PKDCC: variants seen among roughly 807,000 people sequenced by gnomAD.
PKDCC encodes the protein protein kinase domain containing, cytoplasmic, also known as extracellular tyrosine-protein kinase PKDCC.
In PKDCC, 35 loss-of-function variants were observed where a neutral mutation model predicts 44.7. The observed-to-expected ratio is 0.78, with a 90% CI of 0.60 to 1.04. The LOEUF (loss-of-function observed/expected upper bound fraction) is 1.04. PKDCC is among the 50% of genes least tolerant of loss of function. The probability of loss-of-function intolerance (pLI) is 0.00; values close to 1 mark genes in which losing one functional copy is unlikely to be tolerated. For missense variants in PKDCC, 738 were observed against 672.7 expected (o/e 1.10, Z -1.07); for synonymous variants, 353 against 303.3 (o/e 1.16, Z -1.70).
chr2:42,050,947 G>T (rs1285243239), intron 1 of PKDCC, among the ~76,000 whole-genome samples: 5 of 152,134 alleles, frequency 3.3e-5, no homozygotes, highest in Admixed American at 3.3e-4. Context: ...CAGGGCAGGT[G>T]TACAGGGAAC....
Position 42,057,631 on chromosome 2 carries a change from A to C in PKDCC, c.1425A>C (p.Gly475=), listed in dbSNP as rs61732205. 1,369 of 1,613,986 alleles carry C rather than the reference A, an allele frequency of 8.5e-4. 11 individuals carry two copies. In the African/African-American group the frequency reaches 0.015, roughly 18 times the overall value. ...TGRQLVFFKT[G]WSQVVPDPNK... The stretch of plus-strand genomic sequence containing the variant: ...GGCAGCTGGTCTTTTTCAAGACTGG[A>C]TGGAGCCAAGTGGTCCCTGATCCCA... Residue 475 remains glycine (G), a synonymous_variant, in exon 7 of 7, where the codon GGA becomes GGC. Coordinates refer to ENST00000294964, the MANE Select transcript of PKDCC (RefSeq NM_138370.3).
rs1482020645 is a variant in PKDCC, at chr2:42,054,112, G to A, written c.839G>A (p.Arg280His). The A allele has an allele frequency of 2.5e-6, 4 of 1,613,024 alleles. No individual in the cohort carries two copies. The highest frequency in any genetic ancestry group is 1.3e-5 in the African/African-American group (1 of 74,886). Reference protein sequence around the residue: ...PLGSVTLLDFRPRQFVLVDGE... With the variant: ...PLGSVTLLDFHPRQFVLVDGE... Reference sequence around the variant, plus strand: ...GGCTCCGTCACTCTGCTGGACTTCCGCCCTCGGCAGTTTGTGCTGGTGGAT... The same window carrying A: ...GGCTCCGTCACTCTGCTGGACTTCCACCCTCGGCAGTTTGTGCTGGTGGAT... Residue 280 changes from arginine to histidine, a missense_variant, in exon 3 of 7, where the codon CGC (arginine) becomes CAC (histidine). Transcript: ENST00000294964. This position sits in a 1 kb window ranked among gnomAD's most constrained non-coding sequence, Gnocchi z 6.1.
rs967981310 is a variant in PKDCC, at chr2:42,054,354, C to T, written c.1034+47C>T. 2 of 1,550,932 alleles carry T rather than the reference C, an allele frequency of 1.3e-6. No individual in the cohort carries two copies. The highest frequency in any genetic ancestry group is 2.4e-5 in the East Asian group (1 of 42,414). On this transcript the variant is annotated intron_variant, in intron 3 of 6. Coordinates refer to ENST00000294964, the MANE Select transcript of PKDCC (RefSeq NM_138370.3). The surrounding 1 kb of genome is among the most constrained non-coding windows in gnomAD (Gnocchi z 6.1). ...GGAACTCCATCGAAGGAGAATGGGC[C>T]AGGAGGGCATGGCAGGAAGAGAGCC...
rs1371117932 is a variant in PKDCC at position 42,048,514 on chromosome 2, C to T, written c.315C>T (p.Ala105=). ...PGLPRPRPPW[A]RPLSDGAPGW... is the part of the protein sequence containing the mutation. ...TGCCGCGCCCCCGGCCCCCTTGGGC[C>T]CGGCCCCTGTCCGACGGCGCCCCAG... Residue 105 remains alanine, a synonymous_variant, in exon 1 of 7, where the codon GCC becomes GCT. Coordinates refer to ENST00000294964, the MANE Select transcript of PKDCC (RefSeq NM_138370.3). The surrounding 1 kb of genome is among the most constrained non-coding windows in gnomAD (Gnocchi z 6.2). 2.6e-6 allele frequency: 3 copies of T among 1,158,282 alleles called. No individual in the cohort carries two copies. The highest frequency in any genetic ancestry group is 3.2e-6 in the Non-Finnish European group (3 of 945,970). The allele number at this position is 1,158,282 out of a possible 1,614,324, so 71.8% of individuals were successfully genotyped here.
chr2:42,054,008 G>A lies in PKDCC; in HGVS notation c.763-28G>A, dbSNP rs374009846. On this transcript the variant is annotated intron_variant, in intron 2 of 6. Coordinates refer to ENST00000294964, the MANE Select transcript of PKDCC (RefSeq NM_138370.3). The surrounding 1 kb of genome is among the most constrained non-coding windows in gnomAD (Gnocchi z 6.1). Reference sequence around the variant, plus strand: ...AGACCCCCAACCCAGGAGAAAAGCAGTGAGCAGTCTTTTCTTGTGCCCCTC... The same window carrying A: ...AGACCCCCAACCCAGGAGAAAAGCAATGAGCAGTCTTTTCTTGTGCCCCTC... The A allele has an allele frequency of 3.8e-5, 60 of 1,596,924 alleles. No homozygotes were observed. The African/African-American group carries it at 5.9e-4, about 16-fold the overall frequency.
chr2:42,054,329 G>A lies in PKDCC; in HGVS notation c.1034+22G>A. On this transcript the variant is annotated intron_variant, in intron 3 of 6. Coordinates refer to ENST00000294964, the MANE Select transcript of PKDCC (RefSeq NM_138370.3). The surrounding 1 kb of genome is among the most constrained non-coding windows in gnomAD (Gnocchi z 6.1). ...ACAGGTGACCTCCACCCCTGACTCG[G>A]GAACTCCATCGAAGGAGAATGGGCC... The A allele has an allele frequency of 3.2e-6, 5 of 1,582,874 alleles. No individual in the cohort carries two copies. The highest frequency in any genetic ancestry group is 4.3e-6 in the Non-Finnish European group (5 of 1,161,958).
In PKDCC at chr2:42,051,485, G is replaced by T. The variant is rs1221621518; in HGVS notation, c.640-1754G>T. 6.3e-4 allele frequency among the ~76,000 whole-genome samples: 26 copies of T among 41,142 alleles called. No homozygotes were observed. In the African/African-American group the frequency reaches 8.5e-3, roughly 13 times the overall value. 27.0% of individuals were successfully genotyped at this position (41,142 alleles called of 152,430 possible). ...GAAATGCTCAGCCTCACGCTTCCTG[G>T]GGGGGGTTAATGGTGTCTTTTTATT... On this transcript the variant is annotated intron_variant, in intron 1 of 6. Coordinates refer to ENST00000294964, the MANE Select transcript of PKDCC (RefSeq NM_138370.3). The surrounding 1 kb of genome is among the most constrained non-coding windows in gnomAD (Gnocchi z 4.2).
chr2:42,055,315 C>T lies in PKDCC; in HGVS notation c.1144C>T (p.Leu382=), dbSNP rs775782223. Residue 382 remains leucine (L), a synonymous_variant, in exon 5 of 7, where the codon CTG becomes TTG. Transcript: ENST00000294964. This position sits in a 1 kb window ranked among gnomAD's most constrained non-coding sequence, Gnocchi z 4.5. ...GCTCGCCTGGGGGGTGGACGAGACC[C>T]TGGCCCAGCTGGAGAAGGTGCTGCA... The part of the protein sequence containing the change: ...GELAWGVDET[L]AQLEKVLHLY... 1 of 1,613,600 alleles carries T rather than the reference C, an allele frequency of 6.2e-7. No homozygotes were observed. Among genetic ancestry groups the T allele is most frequent in the South Asian group, 1.1e-5 (1 of 90,976 alleles).
rs1014938027 is a variant in PKDCC, at chr2:42,048,190, G to T, written c.-10G>T. On this transcript the variant is annotated 5_prime_UTR_variant, in exon 1 of 7. Transcript: ENST00000294964. This position sits in a 1 kb window ranked among gnomAD's most constrained non-coding sequence, Gnocchi z 6.2. ...CCGCGCGGGGCCGGCCGGCCGGGGG[G>T]AGGGGAGCGATGCGGCGCCGGCGGG... 6.2e-6 allele frequency: 7 copies of T among 1,133,622 alleles called. No individual in the cohort carries two copies. The East Asian group carries it at 2.7e-4, about 43-fold the overall frequency. 70.2% of individuals were successfully genotyped at this position (1,133,622 alleles called of 1,614,324 possible).
intron 1 of PKDCC, among the ~76,000 whole-genome samples, chr2:42,049,297 T>C (rs1274230001): frequency 4.6e-5 from 7 of 152,000 alleles, no homozygotes; most frequent in Admixed American, 2.0e-4. Flanking sequence ...GTTTTGAAAA[T>C]GAGACGGGAC....
chr2:42,050,069 T>G (rs75884992), intron 1 of PKDCC, among the ~76,000 whole-genome samples: 1 of 151,946 alleles, frequency 6.6e-6, no homozygotes, highest in Non-Finnish European at 1.5e-5. Context: ...GGCCCAAAAG[T>G]TGTTTATACT....
Position 42,048,579 on chromosome 2 carries a change from G to T in PKDCC, c.380G>T (p.Gly127Val), listed in dbSNP as rs1271122672. 6 of 1,394,250 alleles carry T rather than the reference G, an allele frequency of 4.3e-6. No individual in the cohort carries two copies. The Admixed American group carries it at 1.3e-4, about 31-fold the overall frequency. 86.4% of individuals were successfully genotyped at this position (1,394,250 alleles called of 1,614,324 possible). A position where few individuals can be genotyped will look rare whatever the true frequency, so the allele number is the denominator to read the frequency against. ...PAPGPGSPGP[G>V]PRLGCAALRN... The stretch of plus-strand genomic sequence containing the variant: ...CCCGGCCCAGGCTCCCCCGGCCCGG[G>T]CCCGCGCCTGGGCTGCGCCGCGCTT... The change falls in exon 1 of 7, where the codon GGC becomes GTC. Residue 127 changes from glycine to valine, a missense_variant. Coordinates refer to ENST00000294964, the MANE Select transcript of PKDCC (RefSeq NM_138370.3). The surrounding 1 kb of genome is among the most constrained non-coding windows in gnomAD (Gnocchi z 6.2).
At position 42,055,173 on chromosome 2, in the gene PKDCC, C is replaced by A; in HGVS notation, c.1115-113C>A. On this transcript the variant is annotated intron_variant, in intron 4 of 6. Coordinates refer to ENST00000294964, the MANE Select transcript of PKDCC (RefSeq NM_138370.3). This position sits in a 1 kb window ranked among gnomAD's most constrained non-coding sequence, Gnocchi z 4.5. ...GCCGCAACCTCCCCGCTCCCCCGCC[C>A]TCTGTTCACTGGGGCACAGGCTCTG... The A allele has an allele frequency of 7.8e-7, 1 of 1,284,614 alleles. No individual in the cohort carries two copies. Among genetic ancestry groups the A allele is most frequent in the Non-Finnish European group, 1.1e-6 (1 of 907,378 alleles). 79.6% of individuals were successfully genotyped at this position (1,284,614 alleles called of 1,614,324 possible). A position where few individuals can be genotyped will look rare whatever the true frequency, so the allele number is the denominator to read the frequency against.
rs372281747 is a variant in PKDCC, at chr2:42,057,606, G to A, written c.1400G>A (p.Arg467Gln). Residue 467 changes from arginine (R) to glutamine (Q), a missense_variant, in exon 7 of 7, where the codon CGG becomes CAG. Physicochemically the swap from Arg to Gln is conservative, Grantham distance 43. Transcript: ENST00000294964. ...ACCTCTCACCTCTGCCCCCCAGGTC[G>A]GCAGCTGGTCTTTTTCAAGACTGGA... is the stretch of plus-strand genomic sequence containing the variant. ...VVTNQTTWTG[R>Q]QLVFFKTGWS... 2.5e-5 allele frequency: 41 copies of A among 1,613,500 alleles called. No homozygotes were observed. Among genetic ancestry groups the A allele is most frequent in the African/African-American group, 5.3e-5 (4 of 74,894 alleles).
rs2103934164 is a variant in PKDCC, at chr2:42,058,345, G to C, written c.*657G>C. On this transcript the variant is annotated 3_prime_UTR_variant, in exon 7 of 7. Coordinates refer to ENST00000294964, the MANE Select transcript of PKDCC (RefSeq NM_138370.3). This position sits in a 1 kb window ranked among gnomAD's most constrained non-coding sequence, Gnocchi z 4.2. ...AGGACCTGGGGCGGGGGTGGGGCCG[G>C]GGCCTTTCTGCCTCATTTGCTTTCA... 6.6e-6 allele frequency: 1 copy of C among 152,610 alleles called. No individual in the cohort carries two copies. 9.5% of individuals were successfully genotyped at this position (152,610 alleles called of 1,614,324 possible).
rs900370883 is a variant in PKDCC at position 42,052,007 on chromosome 2, C to G, written c.640-1232C>G. On this transcript the variant is annotated intron_variant, in intron 1 of 6. Transcript: ENST00000294964. The surrounding 1 kb of genome is among the most constrained non-coding windows in gnomAD (Gnocchi z 4.3). ...CTGGTTGTTTTGAGCACCATACGAG[C>G]CCCTAGCTGCTGTGGAGTATGTTGG... is the stretch of plus-strand genomic sequence containing the variant. Among the ~76,000 whole-genome samples the G allele has an allele frequency of 1.3e-5, 2 of 152,086 alleles. No individual in the cohort carries two copies. Among genetic ancestry groups the G allele is most frequent in the African/African-American group, 4.8e-5 (2 of 41,400 alleles).
At chr2:42,049,668 A>G (rs994485120) in intron 1 of PKDCC, among the ~76,000 whole-genome samples, 2 of 152,124 alleles carry the variant, frequency 1.3e-5, no homozygotes, top group African/African-American at 4.8e-5. Context: ...TTCACTGGAG[A>G]CACAGGCGAG....
At chr2:42,053,189 G>A in intron 1 of PKDCC, 50 bp from the exon 2 acceptor site, 1 of 1,289,962 alleles carries the variant, frequency 7.8e-7, no homozygotes. Flanking sequence ...GCCCTTCCCT[G>A]TCCCCACCCC....
chr2:42,050,196 C>G (rs962284673), intron 1 of PKDCC, among the ~76,000 whole-genome samples: 8 of 152,192 alleles, frequency 5.3e-5, no homozygotes, highest in Non-Finnish European at 2.9e-5. Context: ...CCAACACTTG[C>G]GTGTAGTGAA....
Sources: allele counts gnomAD v4.1 joint callset (sites outside exome capture counted in the v4.1 genomes callset), GRCh38; gene constraint gnomAD v4.1.1; non-coding constraint Gnocchi (gnomAD v3.1); transcripts MANE v1.5; gene names NCBI Gene and HGNC (gene_info 2026-07-23, HGNC 2026-07-21).